The following SGCD variants were observed in gnomAD, a reference collection of about 807,000 sequenced individuals.
The protein encoded by SGCD is delta-sarcoglycan.
A neutral mutation model predicts 36.6 loss-of-function variants in SGCD; 18 were observed. The observed-to-expected ratio is 0.49, with a 90% CI of 0.34 to 0.73. The LOEUF is 0.73. SGCD is among the 30% of genes least tolerant of loss of function. The probability of loss-of-function intolerance (pLI) is 0.01; values close to 1 mark genes in which losing one functional copy is unlikely to be tolerated. For synonymous variants in SGCD, 133 were observed against 130.6 expected (o/e 1.02, Z -0.12); for missense variants, 387 against 346.7 (o/e 1.12, Z -0.92).
intron 7 of SGCD, among the ~76,000 whole-genome samples, chr5:156,730,525 C>T (rs931486672): frequency 2.6e-5 from 4 of 152,144 alleles, no homozygotes; most frequent in Non-Finnish European, 5.9e-5. Context: ...TGACCTCCAG[C>T]TCCATCCATA....
intron 8 of SGCD, chr5:156,757,982 T>C (rs1757404532): frequency 8.1e-7 from 1 of 1,232,676 alleles, no homozygotes; most frequent in Non-Finnish European, 1.0e-6. Flanking sequence ...TCAAATTCTC[T>C]CTTGTCACCT....
chr5:156,446,833 G>A (rs184447872), intron 3 of SGCD, among the ~76,000 whole-genome samples: 80 of 152,264 alleles, frequency 5.3e-4, no homozygotes, highest in South Asian at 1.0e-3. Context: ...CTATAAAATC[G>A]TAGAATTTTA....
At chr5:156,647,305 A>G (rs923933330) in intron 6 of SGCD, among the ~76,000 whole-genome samples, 159 bp from the exon 7 acceptor site, 5 of 152,164 alleles carry the variant, frequency 3.3e-5, no homozygotes, top group Admixed American at 6.6e-5. Flanking sequence ...GAGTGATTCA[A>G]TGCTTTCCTA....
At chr5:156,535,211 G>A (rs1172290333) in intron 4 of SGCD, among the ~76,000 whole-genome samples, 5 of 152,074 alleles carry the variant, frequency 3.3e-5, no homozygotes, top group East Asian at 1.9e-4. Context: ...GAATGATACC[G>A]GGGCTCTCTG....
At chr5:156,553,999 C>G (rs576210346) in intron 4 of SGCD, among the ~76,000 whole-genome samples, 2 of 152,246 alleles carry the variant, frequency 1.3e-5, no homozygotes, top group South Asian at 2.1e-4. Context: ...CGTGGTTGTA[C>G]TTTCCATAAT....
intron 3 of SGCD, among the ~76,000 whole-genome samples, chr5:156,319,448 A>G (rs1490693847): frequency 6.6e-6 from 1 of 152,240 alleles, no homozygotes; most frequent in Non-Finnish European, 1.5e-5. Flanking sequence ...ATTTTTTAAT[A>G]GCCTTATCTA....
At chr5:156,725,488 G>A (rs1431906964) in intron 7 of SGCD, among the ~76,000 whole-genome samples, 1 of 152,210 alleles carries the variant, frequency 6.6e-6, no homozygotes, top group Non-Finnish European at 1.5e-5. Context: ...AGGAATGTGA[G>A]ATGGAGTCCA....
At chr5:156,165,840 A>G (rs1446836303) in intron 3 of SGCD, among the ~76,000 whole-genome samples, 1 of 152,258 alleles carries the variant, frequency 6.6e-6, no homozygotes, top group Non-Finnish European at 1.5e-5. Context: ...ATTTAGTGAT[A>G]TATATTCTTC....
chr5:156,702,089 T>C (rs1238402252), intron 7 of SGCD, among the ~76,000 whole-genome samples: 1 of 152,220 alleles, frequency 6.6e-6, no homozygotes, highest in Non-Finnish European at 1.5e-5. Flanking sequence ...ATGAGGCTTA[T>C]GCAGGTAAAG....
the SGCD span, among the ~76,000 whole-genome samples, chr5:155,734,383 A>AT: frequency 4.6e-5 from 7 of 150,996 alleles, no homozygotes; most frequent in South Asian, 2.1e-4. Flanking sequence ...TAATTTTTGC[A>AT]TTTTTTTTGT....
intron 6 of SGCD, among the ~76,000 whole-genome samples, chr5:156,595,866 G>T (rs1429572137): frequency 3.3e-5 from 5 of 152,306 alleles, no homozygotes; most frequent in African/African-American, 1.2e-4. Context: ...AAATTTCTAT[G>T]ATCCCACTGT....
intron 7 of SGCD, among the ~76,000 whole-genome samples, chr5:156,682,191 G>C (rs1247559779): frequency 6.6e-6 from 1 of 152,148 alleles, no homozygotes; most frequent in Non-Finnish European, 1.5e-5. Flanking sequence ...AGATAACGTA[G>C]AATGTCACTG....
At chr5:155,894,893 A>G (rs143766542) in intron 1 of SGCD, among the ~76,000 whole-genome samples, 2,258 of 152,270 alleles carry the variant, frequency 0.015, 27 homozygotes, top group Middle Eastern at 0.051. Context: ...GATAAACGTA[A>G]TGTGCTTGAC....
chr5:156,507,094 T>C (rs1263419858), intron 3 of SGCD, among the ~76,000 whole-genome samples: 1 of 152,198 alleles, frequency 6.6e-6, no homozygotes, highest in East Asian at 1.9e-4. Flanking sequence ...TGTTCATGTA[T>C]AATCTCAGAA....
Position 156,461,461 on chromosome 5 carries a change from C to T in SGCD, c.193-47140C>T, listed in dbSNP as rs975459355. Among the ~76,000 whole-genome samples, 8 of 151,412 alleles carry T rather than the reference C, an allele frequency of 5.3e-5. No homozygotes were observed. The East Asian group carries it at 5.8e-4, about 11-fold the overall frequency. ...GAGTAAATTTAATGTGACAAACAAG[C>T]GGATAAAATGAAACAATTTTAATTT... On this transcript the variant is annotated intron_variant, in intron 3 of 8. Coordinates refer to ENST00000337851, the MANE Select transcript of SGCD (RefSeq NM_000337.6).
At position 156,187,085 on chromosome 5, in the gene SGCD, G is replaced by T. The variant is rs10043130; in HGVS notation, c.-44+63066G>T. ...GAGGGAAAGGGGCAATGGGTAAAAG[G>T]GTGAGTATTTCAAAATATTTAATCT... On this transcript the variant is annotated intron_variant, in intron 3 of 9. Transcript: ENST00000517913. Among the ~76,000 whole-genome samples the T allele has an allele frequency of 6.0e-3, 909 of 152,088 alleles. 12 individuals are homozygous for T. Among genetic ancestry groups the T allele is most frequent in the African/African-American group, 0.019 (774 of 41,494 alleles).
intron 4 of SGCD, among the ~76,000 whole-genome samples, chr5:156,529,682 T>C (rs569643462): frequency 6.6e-6 from 1 of 152,322 alleles, no homozygotes; most frequent in South Asian, 2.1e-4. Context: ...AAAACACTGA[T>C]AATTTTTCAG....
chr5:155,926,514 T>C lies in SGCD; in HGVS notation c.-282+56090T>C, dbSNP rs529720047. 7.2e-5 allele frequency among the ~76,000 whole-genome samples: 11 copies of C among 152,330 alleles called. No individual in the cohort carries two copies. In the East Asian group the frequency reaches 2.1e-3, roughly 29 times the overall value. ...TATATTGGTGGAACAAATAGATATA[T>C]AAAGTAAAAGGATATATCTTTTTCT... is the stretch of plus-strand genomic sequence containing the variant. On this transcript the variant is annotated intron_variant, in intron 1 of 9. Transcript: ENST00000517913.
intron 1 of SGCD, among the ~76,000 whole-genome samples, chr5:155,918,995 T>C (rs1756814873): frequency 6.6e-6 from 1 of 152,244 alleles, no homozygotes. Context: ...TACTGATTGA[T>C]ATGCATTGTT....
Sources: allele counts gnomAD v4.1 joint callset (sites outside exome capture counted in the v4.1 genomes callset), GRCh38; gene constraint gnomAD v4.1.1; transcripts MANE v1.5; gene names NCBI Gene and HGNC (gene_info 2026-07-23, HGNC 2026-07-21).